The following NKAIN3 variants were observed in gnomAD, a reference collection of about 807,000 sequenced individuals.
The protein encoded by NKAIN3 is sodium/potassium-transporting ATPase subunit beta-1-interacting protein 3.
NKAIN3 carries 25 observed loss-of-function variants against 30.2 expected under a neutral mutation model. The ratio of observed to expected loss-of-function variants is 0.83; its 90% CI spans 0.60 to 1.16. The LOEUF (loss-of-function observed/expected upper bound fraction) is 1.16, where lower values mean the gene tolerates loss of function less well. Ranked by LOEUF, NKAIN3 falls within the 50% of genes most tolerant of loss-of-function variation. The probability of loss-of-function intolerance (pLI) is 0.00; values close to 1 mark genes in which losing one functional copy is unlikely to be tolerated. For missense variants in NKAIN3, 225 were observed against 254.1 expected, an observed-to-expected ratio of 0.89 and a Z score of 0.78; for synonymous variants, 91 against 89.6, an observed-to-expected ratio of 1.02 and a Z score of -0.09.
intron 6 of NKAIN3, among the ~76,000 whole-genome samples, chr8:62,957,441 G>A (rs1823451052): frequency 6.6e-6 from 1 of 152,132 alleles, no homozygotes; most frequent in South Asian, 2.1e-4. Flanking sequence ...GCCTATAGCA[G>A]CTTTATTCAT....
chr8:62,767,944 T>A (rs1816895522), intron 4 of NKAIN3, among the ~76,000 whole-genome samples: 1 of 152,176 alleles, frequency 6.6e-6, no homozygotes, highest in African/African-American at 2.4e-5. Flanking sequence ...AAATAGAATA[T>A]ATTATTAAAA....
At chr8:62,356,092 CAT>C (rs1383430580) in intron 1 of NKAIN3, among the ~76,000 whole-genome samples, 2 of 152,158 alleles carry the variant, frequency 1.3e-5, no homozygotes, top group African/African-American at 4.8e-5. Context: ...TCTATCAACT[CAT>C]TTAACTGAGC....
chr8:62,393,928 G>C (rs750475409), intron 1 of NKAIN3, among the ~76,000 whole-genome samples: 15 of 151,880 alleles, frequency 9.9e-5, no homozygotes, highest in Non-Finnish European at 2.2e-4. Context: ...ATTGATTTTT[G>C]CATGTTAGTT....
At chr8:62,421,367 C>G (rs141575737) in intron 1 of NKAIN3, among the ~76,000 whole-genome samples, 1 of 152,256 alleles carries the variant, frequency 6.6e-6, no homozygotes, top group African/African-American at 2.4e-5. Flanking sequence ...ACTTTTACTC[C>G]TATTGACAGT....
chr8:62,339,743 A>G (rs534469771), intron 1 of NKAIN3, among the ~76,000 whole-genome samples: 1 of 152,132 alleles, frequency 6.6e-6, no homozygotes, highest in African/African-American at 2.4e-5. Flanking sequence ...CCATGTGTTT[A>G]TTTACATGCT....
intron 2 of NKAIN3, among the ~76,000 whole-genome samples, chr8:62,584,223 C>T (rs752835658): frequency 6.6e-6 from 1 of 152,110 alleles, no homozygotes; most frequent in Non-Finnish European, 1.5e-5. Context: ...GGCCAAACCA[C>T]CACACAGATA....
intron 1 of NKAIN3, among the ~76,000 whole-genome samples, chr8:62,409,654 G>A (rs981626632): frequency 6.6e-6 from 1 of 151,818 alleles, no homozygotes; most frequent in African/African-American, 2.4e-5. Flanking sequence ...AATAAATTTA[G>A]ATTTTATTTA....
chr8:62,293,277 C>A (rs894436199), intron 1 of NKAIN3, among the ~76,000 whole-genome samples: 2 of 152,196 alleles, frequency 1.3e-5, no homozygotes, highest in Admixed American at 6.5e-5. Context: ...CCGTTGCTGG[C>A]GAGGAGCTGC....
At chr8:62,314,382 A>T (rs957290412) in intron 1 of NKAIN3, among the ~76,000 whole-genome samples, 6 of 152,154 alleles carry the variant, frequency 3.9e-5, no homozygotes, top group Admixed American at 3.9e-4. Context: ...AATTCTGGTC[A>T]GGTCCGATTT....
At chr8:62,540,878 A>G (rs532337292) in intron 1 of NKAIN3, among the ~76,000 whole-genome samples, 14 of 152,268 alleles carry the variant, frequency 9.2e-5, no homozygotes, top group African/African-American at 3.4e-4. Context: ...CTTAGAATCT[A>G]TGTGTCCAAA....
chr8:62,919,227 A>ATTTTTTTTTTTTTTT (rs71255371), intron 5 of NKAIN3, among the ~76,000 whole-genome samples: 15 of 47,192 alleles, frequency 3.2e-4, no homozygotes, highest in Non-Finnish European at 4.3e-4. Flanking sequence ...TACTTTCAAA[A>ATTTTTTTTTTTTTTT]TTTTTTTTTT....
chr8:62,731,304 T>A (rs146943865), intron 3 of NKAIN3, among the ~76,000 whole-genome samples: 72 of 151,782 alleles, frequency 4.7e-4, no homozygotes, highest in African/African-American at 1.7e-3. Flanking sequence ...TTTTTAATCA[T>A]GAGTGAAATT....
At chr8:62,719,255 A>G (rs1815005147) in intron 3 of NKAIN3, among the ~76,000 whole-genome samples, 1 of 152,174 alleles carries the variant, frequency 6.6e-6, no homozygotes, top group Non-Finnish European at 1.5e-5. Context: ...ACAATAGACA[A>G]ATGTCACTGG....
chr8:62,627,524 G>A (rs1000136281), intron 3 of NKAIN3, among the ~76,000 whole-genome samples: 5 of 151,972 alleles, frequency 3.3e-5, no homozygotes, highest in Admixed American at 3.3e-4. Context: ...GATGGGAAAG[G>A]GTCCAGAGAG....
At chr8:62,304,655 T>A (rs1814166362) in intron 1 of NKAIN3, among the ~76,000 whole-genome samples, 1 of 150,350 alleles carries the variant, frequency 6.7e-6, no homozygotes, top group Non-Finnish European at 1.5e-5. Flanking sequence ...CTCAACCTGT[T>A]ACTAACTGAC....
rs1807043057 is a variant in NKAIN3, at chr8:62,490,752, A to G, written c.55-88787A>G. On this transcript the variant is annotated intron_variant, in intron 1 of 6. Transcript: ENST00000623646. ...CATCCCAGTGCTGGCATCATGGAAAAGGCAGCATGTCCCTTCATACAGGAA... is the reference window on the plus strand; with the variant it reads ...CATCCCAGTGCTGGCATCATGGAAAGGGCAGCATGTCCCTTCATACAGGAA... Among the ~76,000 whole-genome samples, 3 of 152,176 alleles carry G rather than the reference A, an allele frequency of 2.0e-5. No homozygotes were observed. In the South Asian group the frequency reaches 6.2e-4, roughly 32 times the overall value.
chr8:62,796,840 C>A (rs537669367), intron 4 of NKAIN3, among the ~76,000 whole-genome samples: 1 of 115,982 alleles, frequency 8.6e-6, no homozygotes, highest in East Asian at 2.4e-4. Context: ...ACACATTGAG[C>A]TTAACAAAAA....
At chr8:62,661,696 C>T (rs182152381) in intron 3 of NKAIN3, among the ~76,000 whole-genome samples, 5 of 152,174 alleles carry the variant, frequency 3.3e-5, no homozygotes, top group African/African-American at 1.2e-4. Context: ...GGTCCCATGT[C>T]TCATATAAGG....
chr8:62,586,628 A>C (rs549766703), intron 2 of NKAIN3, among the ~76,000 whole-genome samples: 1 of 152,234 alleles, frequency 6.6e-6, no homozygotes, highest in African/African-American at 2.4e-5. Context: ...CTTTCTCGTA[A>C]TTAGAAAATA....
Sources: allele counts gnomAD v4.1 joint callset (sites outside exome capture counted in the v4.1 genomes callset), GRCh38; gene constraint gnomAD v4.1.1; transcripts MANE v1.5; gene names NCBI Gene and HGNC (gene_info 2026-07-23, HGNC 2026-07-21).